SPOCK1: variants seen among roughly 807,000 people sequenced by gnomAD.
The protein encoded by SPOCK1 is SPARC (osteonectin), cwcv and kazal like domains proteoglycan 1.
Under a neutral mutation model 55.3 loss-of-function variants are expected in SPOCK1, and 23 were observed. The observed-to-expected ratio is 0.42, with a 90% CI of 0.30 to 0.59. The LOEUF is 0.59. Ranked by LOEUF, SPOCK1 falls within the 20% of genes least tolerant of loss-of-function variation. The pLI, the probability that SPOCK1 is intolerant of heterozygous loss-of-function variation, is 0.22. For missense variants in SPOCK1, 499 were observed against 552.5 expected (o/e 0.90, Z 0.97); for synonymous variants, 226 against 221.0 (o/e 1.02, Z -0.20).
intron 6 of SPOCK1, among the ~76,000 whole-genome samples, chr5:137,039,622 G>A (rs551865304): frequency 1.3e-5 from 2 of 152,204 alleles, no homozygotes; most frequent in African/African-American, 4.8e-5. Context: ...CCCATGGGCA[G>A]GGCCCACACC....
intron 5 of SPOCK1, among the ~76,000 whole-genome samples, chr5:137,087,031 T>C (rs1752972662): frequency 6.6e-6 from 1 of 152,192 alleles, no homozygotes; most frequent in Non-Finnish European, 1.5e-5. Context: ...ACTGCTCTTG[T>C]TATGTAACAA....
intron 7 of SPOCK1, among the ~76,000 whole-genome samples, chr5:136,989,512 G>T (rs1031743080): frequency 6.6e-6 from 1 of 152,152 alleles, no homozygotes; most frequent in Non-Finnish European, 1.5e-5. Flanking sequence ...AACGTCTGTT[G>T]CTATATAGAA....
intron 3 of SPOCK1, among the ~76,000 whole-genome samples, chr5:137,151,165 T>G (rs999211825): frequency 2.0e-5 from 3 of 152,090 alleles, no homozygotes; most frequent in East Asian, 1.9e-4. Context: ...TAATTTTTTT[T>G]TTGTTGCTGT....
intron 2 of SPOCK1, among the ~76,000 whole-genome samples, chr5:137,446,735 T>G (rs1015067512): frequency 6.6e-6 from 1 of 152,208 alleles, no homozygotes; most frequent in African/African-American, 2.4e-5. Flanking sequence ...TATATTCACA[T>G]TGTTGTGCAA....
At chr5:137,009,035 C>A (rs1387671348) in intron 6 of SPOCK1, among the ~76,000 whole-genome samples, 1 of 152,036 alleles carries the variant, frequency 6.6e-6, no homozygotes, top group Non-Finnish European at 1.5e-5. Flanking sequence ...GATGATAGTA[C>A]TAAACATAAC....
intron 3 of SPOCK1, among the ~76,000 whole-genome samples, chr5:137,179,963 C>T (rs1423979431): frequency 1.3e-5 from 2 of 152,178 alleles, no homozygotes; most frequent in Non-Finnish European, 2.9e-5. Flanking sequence ...CAACAGAGCG[C>T]CACAGGAGGT....
intron 4 of SPOCK1, among the ~76,000 whole-genome samples, chr5:137,131,347 C>T (rs1321314013): frequency 6.6e-6 from 1 of 152,236 alleles, no homozygotes; most frequent in Non-Finnish European, 1.5e-5. Context: ...TGGCGGCTCA[C>T]GCCTGTAATC....
intron 3 of SPOCK1, among the ~76,000 whole-genome samples, chr5:137,230,912 A>G (rs1756041397): frequency 8.7e-6 from 1 of 114,308 alleles, no homozygotes; most frequent in Non-Finnish European, 1.8e-5. Flanking sequence ...GTATAACTGT[A>G]TTTGCACTAT....
Position 136,988,541 on chromosome 5 carries a change from T to G in SPOCK1, c.809A>C (p.Asn270Thr). The G allele has an allele frequency of 6.2e-7, 1 of 1,614,112 alleles. No individual in the cohort carries two copies. Among genetic ancestry groups the G allele is most frequent in the East Asian group, 2.2e-5 (1 of 44,870 alleles). ...CTCGTACTTATCCAGGTAGATGGCATTGATCTCTGAAGGGTCAAGCAGGAG... is the reference window on the plus strand; with the variant it reads ...CTCGTACTTATCCAGGTAGATGGCAGTGATCTCTGAAGGGTCAAGCAGGAG... ...YDLLLDPSEINAIYLDKYEPC... is the reference protein window; with the variant it reads ...YDLLLDPSEITAIYLDKYEPC... Residue 270 changes from asparagine (N) to threonine (T), a missense_variant, in exon 8 of 11, where the codon AAT (asparagine) becomes ACT (threonine). By Grantham distance (65) the Asn-to-Thr change is moderately conservative. This residue lies in a region of SPOCK1 where 386 missense variants were observed against 400.6 expected (regional missense o/e 0.96). Coordinates refer to ENST00000394945, the MANE Select transcript of SPOCK1 (RefSeq NM_004598.4).
At chr5:137,148,977 A>G (rs1010933239) in intron 3 of SPOCK1, among the ~76,000 whole-genome samples, 2 of 152,180 alleles carry the variant, frequency 1.3e-5, no homozygotes, top group African/African-American at 4.8e-5. Context: ...AGACCTCATA[A>G]AAAAAGACTT....
chr5:137,077,098 G>C (rs375926430), intron 5 of SPOCK1, among the ~76,000 whole-genome samples: 2 of 152,202 alleles, frequency 1.3e-5, no homozygotes, highest in African/African-American at 4.8e-5. Context: ...TAATTTTTTT[G>C]TATTTTTAGT....
chr5:137,253,956 C>G (rs191146344), intron 3 of SPOCK1, among the ~76,000 whole-genome samples: 1 of 152,174 alleles, frequency 6.6e-6, no homozygotes, highest in African/African-American at 2.4e-5. Flanking sequence ...ATAAAGCATT[C>G]GAAACCATTT....
intron 2 of SPOCK1, among the ~76,000 whole-genome samples, chr5:137,443,639 G>A (rs1018309513): frequency 1.3e-5 from 2 of 152,032 alleles, no homozygotes; most frequent in African/African-American, 2.4e-5. Context: ...CTGCACCCCT[G>A]CCAAAGCCTG....
chr5:137,284,365 A>G (rs901378381), intron 2 of SPOCK1, among the ~76,000 whole-genome samples: 3 of 152,216 alleles, frequency 2.0e-5, no homozygotes, highest in Admixed American at 2.0e-4. Flanking sequence ...AAGCTGCTAC[A>G]TGGAGAAATT....
intron 2 of SPOCK1, among the ~76,000 whole-genome samples, chr5:137,321,855 G>C (rs1043584154): frequency 6.6e-6 from 1 of 151,666 alleles, no homozygotes; most frequent in Non-Finnish European, 1.5e-5. Flanking sequence ...GGGCAACAAA[G>C]TGAGACTCTG....
At chr5:136,984,610 C>A (rs17646327) in intron 9 of SPOCK1, among the ~76,000 whole-genome samples, 32,226 of 152,032 alleles carry the variant, frequency 0.21, 4,429 homozygotes, top group East Asian at 0.39. Context: ...TTCACTCAAC[C>A]CACTTGCTTC....
intron 7 of SPOCK1, among the ~76,000 whole-genome samples, chr5:136,990,954 C>A (rs1750938163): frequency 6.6e-6 from 1 of 152,100 alleles, no homozygotes. Context: ...GTGCAGGGAC[C>A]AAGCAGGGTT....
chr5:137,308,290 T>C (rs901294507), intron 2 of SPOCK1, among the ~76,000 whole-genome samples: 2 of 152,264 alleles, frequency 1.3e-5, no homozygotes, highest in African/African-American at 2.4e-5. Context: ...TCTGCCTATT[T>C]GATCTCAGAA....
chr5:137,291,074 T>G (rs1461721188), intron 2 of SPOCK1, among the ~76,000 whole-genome samples: 3 of 152,198 alleles, frequency 2.0e-5, no homozygotes, highest in African/African-American at 7.2e-5. Flanking sequence ...GAGCCTAGAT[T>G]CACCTGGTAG....
Sources: allele counts gnomAD v4.1 joint callset (sites outside exome capture counted in the v4.1 genomes callset), GRCh38; gene constraint gnomAD v4.1.1; regional missense constraint gnomAD v4.1.1; transcripts MANE v1.5; gene names NCBI Gene and HGNC (gene_info 2026-07-23, HGNC 2026-07-21).